The following CCDC40 variants were observed in gnomAD, a reference collection of about 807,000 sequenced individuals.
CCDC40 encodes coiled-coil domain-containing protein 40.
CCDC40 carries 104 observed loss-of-function variants against 124.5 expected under a neutral mutation model. The ratio of observed to expected loss-of-function variants is 0.84; its 90% CI spans 0.71 to 0.98. The LOEUF (loss-of-function observed/expected upper bound fraction) is 0.98. Among genes scored for constraint, CCDC40 ranks in the 50% least tolerant of loss-of-function variants. The pLI, the probability that CCDC40 is intolerant of heterozygous loss-of-function variation, is 0.00. For missense variants in CCDC40, 1,463 were observed against 1,503.9 expected, an observed-to-expected ratio of 0.97 and a Z score of 0.45; for synonymous variants, 580 against 602.9, an observed-to-expected ratio of 0.96 and a Z score of 0.56.
At chr17:80,064,390 G>A (rs1235633609) in intron 9 of CCDC40, among the ~76,000 whole-genome samples, 1 of 148,510 alleles carries the variant, frequency 6.7e-6, no homozygotes, top group Non-Finnish European at 1.5e-5. Flanking sequence ...CACAGTGCTT[G>A]CATTGGGGAT....
chr17:80,075,159 A>G (rs2038281263), intron 10 of CCDC40, among the ~76,000 whole-genome samples: 2 of 152,002 alleles, frequency 1.3e-5, no homozygotes, highest in Non-Finnish European at 2.9e-5. Flanking sequence ...TCCTAACCTC[A>G]AGTGATATGC....
chr17:80,041,827 G>A lies in CCDC40; in HGVS notation c.552+1557G>A, dbSNP rs533734094. 8.5e-5 allele frequency among the ~76,000 whole-genome samples: 13 copies of A among 152,198 alleles called. No individual in the cohort carries two copies. In the South Asian group the frequency reaches 1.2e-3, roughly 15 times the overall value. ...GGAAGCGACGTGGGGCTCTCAGTGC[G>A]TCCCACCAGGGATGCAGGATTCCAG... On this transcript the variant is annotated intron_variant, in intron 3 of 19. Coordinates refer to ENST00000397545, the MANE Select transcript of CCDC40 (RefSeq NM_017950.4).
At chr17:80,075,856 T>TA (rs1346875537) in intron 10 of CCDC40, among the ~76,000 whole-genome samples, 1 of 152,218 alleles carries the variant, frequency 6.6e-6, no homozygotes, top group Non-Finnish European at 1.5e-5. Flanking sequence ...AAGTTGATTG[T>TA]AACGCCTGTG....
At position 80,088,007 on chromosome 17, in the gene CCDC40, G is replaced by C; in HGVS notation, c.2620-4G>C. ...ACAGCTGTCCCGCCCCCTCCCCCAT[G>C]CAGGCCTCTGAGAGGGAGACCATCA... On this transcript the variant is annotated splice_region_variant and splice_polypyrimidine_tract_variant and intron_variant, in intron 15 of 19. Coordinates refer to ENST00000397545, the MANE Select transcript of CCDC40 (RefSeq NM_017950.4). 6.3e-7 allele frequency: 1 copy of C among 1,587,454 alleles called. No homozygotes were observed. The highest frequency in any genetic ancestry group is 8.7e-7 in the Non-Finnish European group (1 of 1,155,982).
intron 7 of CCDC40, among the ~76,000 whole-genome samples, chr17:80,055,767 C>T (rs1384287023): frequency 6.6e-6 from 1 of 151,646 alleles, no homozygotes; most frequent in Non-Finnish European, 1.5e-5. Flanking sequence ...CCTTCCCCCA[C>T]CCAGCCACCA....
chr17:80,051,873 G>A lies in CCDC40; in HGVS notation c.1159+1590G>A, dbSNP rs751600522. On this transcript the variant is annotated intron_variant, in intron 7 of 19. Coordinates refer to ENST00000397545, the MANE Select transcript of CCDC40 (RefSeq NM_017950.4). ...GCGCCCTCCGGCTCCCCTCTGCTAGGGCTTAAAGAGTGGGTGGGATTCCAA... is the reference window on the plus strand; with the variant it reads ...GCGCCCTCCGGCTCCCCTCTGCTAGAGCTTAAAGAGTGGGTGGGATTCCAA... Among the ~76,000 whole-genome samples the A allele has an allele frequency of 5.2e-4, 79 of 152,316 alleles. 1 individual carries two copies. The highest frequency in any genetic ancestry group is 6.8e-3 in the Middle Eastern group (2 of 294).
intron 2 of CCDC40, among the ~76,000 whole-genome samples, chr17:80,039,417 T>C (rs1208198048): frequency 2.2e-5 from 2 of 92,258 alleles, no homozygotes; most frequent in African/African-American, 9.8e-5. Context: ...TGAAACATGA[T>C]TTTTTTTTTT....
chr17:80,051,880 A>G (rs986193175), intron 7 of CCDC40, among the ~76,000 whole-genome samples: 2 of 152,244 alleles, frequency 1.3e-5, no homozygotes, highest in African/African-American at 2.4e-5. Context: ...TAGGGCTTAA[A>G]GAGTGGGTGG....
Position 80,100,245 on chromosome 17 carries a change from A to C in CCDC40, c.*470A>C. 1 of 189,830 alleles carries C rather than the reference A, an allele frequency of 5.3e-6. No homozygotes were observed. Among genetic ancestry groups the C allele is most frequent in the South Asian group, 8.5e-5 (1 of 11,734 alleles). 11.8% of individuals were successfully genotyped at this position (189,830 alleles called of 1,614,324 possible). On this transcript the variant is annotated 3_prime_UTR_variant, in exon 20 of 20. Transcript: ENST00000397545. ...ACTAGGTGCATCTGAAAACCCACAA[A>C]CCACCTTCTTTACCAGTTTTCCCAT...
chr17:80,065,254 T>A (rs1041084199), intron 9 of CCDC40, among the ~76,000 whole-genome samples: 2 of 129,398 alleles, frequency 1.5e-5, no homozygotes, highest in African/African-American at 5.9e-5. Context: ...TCCTCCTCAT[T>A]CCCAAGCACT....
Position 80,086,265 on chromosome 17 carries a change from G to A in CCDC40, c.2449+49G>A. 3 of 1,496,184 alleles carry A rather than the reference G, an allele frequency of 2.0e-6. No individual in the cohort carries two copies. Among genetic ancestry groups the A allele is most frequent in the Non-Finnish European group, 2.7e-6 (3 of 1,097,304 alleles). The allele number at this position is 1,496,184 out of a possible 1,614,324, so 92.7% of individuals were successfully genotyped here. On this transcript the variant is annotated intron_variant, in intron 14 of 19. Coordinates refer to ENST00000397545, the MANE Select transcript of CCDC40 (RefSeq NM_017950.4). This position sits in a 1 kb window ranked among gnomAD's most constrained non-coding sequence, Gnocchi z 5.5. ...TGCAGTGATGCTGAGACGAGCTCTGGGACGTGGGCACCTCCCAGGGGAGGG... is the reference window on the plus strand; with the variant it reads ...TGCAGTGATGCTGAGACGAGCTCTGAGACGTGGGCACCTCCCAGGGGAGGG...
At chr17:80,060,806 C>T (rs1250497685) in intron 9 of CCDC40, among the ~76,000 whole-genome samples, 1 of 152,144 alleles carries the variant, frequency 6.6e-6, no homozygotes, top group Non-Finnish European at 1.5e-5. Flanking sequence ...ATATAAAAAC[C>T]TAGTAGATTA....
intron 3 of CCDC40, among the ~76,000 whole-genome samples, chr17:80,046,611 C>T (rs114195799): frequency 0.015 from 2,256 of 151,976 alleles, 56 homozygotes; most frequent in African/African-American, 0.052. Flanking sequence ...CACCCAGGCA[C>T]GAGAATGCAT....
At chr17:80,071,964 G>A (rs1321648880) in intron 10 of CCDC40, among the ~76,000 whole-genome samples, 1 of 151,404 alleles carries the variant, frequency 6.6e-6, no homozygotes, top group Non-Finnish European at 1.5e-5. Flanking sequence ...AGCCTCTCAG[G>A]TAGCTGGGAT....
At position 80,058,766 on chromosome 17, in the gene CCDC40, G is replaced by A; in HGVS notation, c.1318-92G>A. ...CGGCCGGAGGGGTGGCGGCCGGCCT[G>A]GGTGGCGTCAACTTGTATCAAGGGT... is the stretch of plus-strand genomic sequence containing the variant. On this transcript the variant is annotated intron_variant, in intron 8 of 19. Coordinates refer to ENST00000397545, the MANE Select transcript of CCDC40 (RefSeq NM_017950.4). This position sits in a 1 kb window ranked among gnomAD's most constrained non-coding sequence, Gnocchi z 4.2. 1.2e-6 allele frequency: 2 copies of A among 1,608,092 alleles called. No individual in the cohort carries two copies. Among genetic ancestry groups the A allele is most frequent in the South Asian group, 2.2e-5 (2 of 90,814 alleles).
intron 2 of CCDC40, 31 bp from the exon 3 acceptor site, chr17:80,039,781 T>A (rs1262488989): frequency 6.2e-7 from 1 of 1,611,332 alleles, no homozygotes; most frequent in Non-Finnish European, 8.5e-7. Flanking sequence ...ATACTTTGTT[T>A]CCTGATTTTT....
chr17:80,076,523 A>C (rs1258884675), intron 10 of CCDC40, among the ~76,000 whole-genome samples: 7 of 151,240 alleles, frequency 4.6e-5, no homozygotes, highest in African/African-American at 1.7e-4. Context: ...CAATAAGCCA[A>C]GATCACACCA....
Position 80,095,273 on chromosome 17 carries a change from G to A in CCDC40, c.2843G>A (p.Gly948Glu), listed in dbSNP as rs775224324. 3.1e-6 allele frequency: 5 copies of A among 1,613,856 alleles called. No homozygotes were observed. In the South Asian group the frequency reaches 5.5e-5, roughly 18 times the overall value. The change falls in exon 18 of 20, where the codon GGG becomes GAG. Residue 948 changes from glycine (G) to glutamate (E), a missense_variant. Coordinates refer to ENST00000397545, the MANE Select transcript of CCDC40 (RefSeq NM_017950.4). The stretch of plus-strand genomic sequence containing the variant: ...TGTCCTGTCTCCCAGGTCAGGCTCG[G>A]GCAGCTGCTGAAGCAGCAGGAGAAG... ...GEIHRMKVRL[G>E]QLLKQQEKMI...
At chr17:80,036,720 T>C (rs762106770) in intron 1 of CCDC40, 29 bp downstream of exon 1, 2 of 1,463,630 alleles carry the variant, frequency 1.4e-6, no homozygotes, top group South Asian at 1.3e-5. Flanking sequence ...CAGCGGGTCT[T>C]GGAGTCGCCA....
Sources: allele counts gnomAD v4.1 joint callset (sites outside exome capture counted in the v4.1 genomes callset), GRCh38; gene constraint gnomAD v4.1.1; non-coding constraint Gnocchi (gnomAD v3.1); transcripts MANE v1.5; gene names NCBI Gene and HGNC (gene_info 2026-07-23, HGNC 2026-07-21).